Variants in ATP10B observed in about 807,000 individuals in gnomAD.
The protein encoded by ATP10B is phospholipid-transporting ATPase VB.
In ATP10B, 122 loss-of-function variants were observed where a neutral mutation model predicts 141.2. The observed-to-expected ratio is 0.86, with a 90% confidence interval of 0.75 to 1.00. ATP10B has a LOEUF of 1.00. Among genes scored for constraint, ATP10B ranks in the 50% least tolerant of loss-of-function variants. The pLI is 0.00. For synonymous variants in ATP10B, 685 were observed against 692.0 expected, an observed-to-expected ratio of 0.99 and a Z score of 0.16; for missense variants, 1,876 against 1,825.3, an observed-to-expected ratio of 1.03 and a Z score of -0.51.
At position 160,565,719 on chromosome 5, in the gene ATP10B, C is replaced by T; in HGVS notation, c.4120G>A (p.Gly1374Arg). The stretch of plus-strand genomic sequence containing the variant: ...GGGGTGCTGGCACTGAAGTCCTGTC[C>T]TGTGATAGATGACACTGGGTGGTGA... ...PTHHPVSSITGQDFSASTPKS... is the reference protein window; with the variant it reads ...PTHHPVSSITRQDFSASTPKS... Residue 1374 changes from glycine (G) to arginine (R), a missense_variant, in exon 26 of 26, where the codon GGA becomes AGA. Transcript: ENST00000327245. 1 of 1,614,042 alleles carries T rather than the reference C, an allele frequency of 6.2e-7. No homozygotes were observed. The highest frequency in any genetic ancestry group is 8.5e-7 in the Non-Finnish European group (1 of 1,179,976).
the ATP10B span, among the ~76,000 whole-genome samples, chr5:160,889,404 A>G: frequency 3.3e-5 from 5 of 152,170 alleles, no homozygotes; most frequent in Admixed American, 3.3e-4. Flanking sequence ...CATGTGTAGT[A>G]ATTAAAAGGA....
At chr5:160,726,657 A>AGGGGAGGAGGAAGGAGTAGGG (rs1040485208) in intron 2 of ATP10B, among the ~76,000 whole-genome samples, 1 of 85,976 alleles carries the variant, frequency 1.2e-5, no homozygotes, top group Non-Finnish European at 2.2e-5. Flanking sequence ...TGGGGGAAGA[A>AGGGGAGGAGGAAGGAGTAGGG]GGGGAGGAGG....
chr5:160,602,959 A>T (rs1757176181), intron 20 of ATP10B: 1 of 365,382 alleles, frequency 2.7e-6, no homozygotes, highest in Non-Finnish European at 5.2e-6. Context: ...CCGTTTATCC[A>T]GCAAGCATTG....
chr5:160,815,083 A>G (rs1773503325), intron 1 of ATP10B, among the ~76,000 whole-genome samples: 1 of 152,188 alleles, frequency 6.6e-6, no homozygotes, highest in African/African-American at 2.4e-5. Flanking sequence ...TCAACTAATG[A>G]GCAAAATAAC....
intron 7 of ATP10B, among the ~76,000 whole-genome samples, chr5:160,652,348 T>A (rs1172025204): frequency 5.9e-5 from 9 of 152,048 alleles, no homozygotes; most frequent in Non-Finnish European, 1.0e-4. Flanking sequence ...CTTTTAAGAA[T>A]TTGCTGTATT....
intron 1 of ATP10B, among the ~76,000 whole-genome samples, chr5:160,827,527 T>C (rs931819852): frequency 1.3e-5 from 2 of 152,192 alleles, no homozygotes; most frequent in African/African-American, 2.4e-5. Flanking sequence ...AAGTTACATA[T>C]AAATTCTGGA....
chr5:160,589,090 C>G (rs1012406660), intron 24 of ATP10B, among the ~76,000 whole-genome samples: 3 of 152,188 alleles, frequency 2.0e-5, no homozygotes, highest in African/African-American at 4.8e-5. Flanking sequence ...TGGCTCAGTG[C>G]AACCTCCGCC....
intron 2 of ATP10B, among the ~76,000 whole-genome samples, chr5:160,765,019 G>A (rs1005911520): frequency 6.6e-6 from 1 of 152,006 alleles, no homozygotes; most frequent in Non-Finnish European, 1.5e-5. Flanking sequence ...TAACCAAGGA[G>A]GTGAAAGATT....
At chr5:160,862,304 C>T in the ATP10B span, among the ~76,000 whole-genome samples, 1 of 151,964 alleles carries the variant, frequency 6.6e-6, no homozygotes, top group Non-Finnish European at 1.5e-5. Flanking sequence ...GTCACAGAAG[C>T]AGAGCTAAGC....
chr5:160,841,315 A>G (rs941744728), intron 1 of ATP10B, among the ~76,000 whole-genome samples: 7 of 152,186 alleles, frequency 4.6e-5, no homozygotes, highest in African/African-American at 1.7e-4. Flanking sequence ...CAAATTGCAA[A>G]GAAGCTTACA....
chr5:160,824,214 C>T (rs1270123537), intron 1 of ATP10B, among the ~76,000 whole-genome samples: 1 of 152,034 alleles, frequency 6.6e-6, no homozygotes, highest in African/African-American at 2.4e-5. Context: ...GACAGGGTTT[C>T]ACCATGTTAG....
the ATP10B span, among the ~76,000 whole-genome samples, chr5:160,861,655 CAAGGAGAAGT>C: frequency 6.6e-6 from 1 of 151,676 alleles, no homozygotes; most frequent in African/African-American, 2.4e-5. Context: ...ATGCTGAATA[CAAGGAGAAGT>C]ATTGAGTTTT....
chr5:160,663,435 T>C (rs994659792), intron 7 of ATP10B, among the ~76,000 whole-genome samples: 61 of 152,204 alleles, frequency 4.0e-4, no homozygotes, highest in African/African-American at 1.3e-3. Flanking sequence ...GTGGCACATA[T>C]ACACCATGGA....
chr5:160,705,562 C>A (rs1031964021), intron 3 of ATP10B, among the ~76,000 whole-genome samples: 10 of 152,120 alleles, frequency 6.6e-5, no homozygotes, highest in African/African-American at 2.4e-4. Flanking sequence ...ATGCCCAGCC[C>A]CAACTTTTCT....
chr5:160,670,104 G>C (rs560738872), intron 7 of ATP10B, among the ~76,000 whole-genome samples: 1 of 152,030 alleles, frequency 6.6e-6, no homozygotes, highest in Non-Finnish European at 1.5e-5. Flanking sequence ...GAGTGAGTTG[G>C]GATTGGATGA....
At chr5:160,693,520 G>A (rs1414408345) in intron 3 of ATP10B, among the ~76,000 whole-genome samples, 4 of 151,052 alleles carry the variant, frequency 2.6e-5, no homozygotes, top group Admixed American at 6.6e-5. Flanking sequence ...CTGAAGAAAC[G>A]CAGGAGTTAG....
chr5:160,612,544 C>T (rs142321619), intron 18 of ATP10B, 197 bp downstream of exon 18: 144 of 449,820 alleles, frequency 3.2e-4, no homozygotes, highest in African/African-American at 2.4e-3. Flanking sequence ...GACCAGCTAG[C>T]CATGTGTGGG....
At chr5:160,734,829 T>C (rs1266224149) in intron 2 of ATP10B, among the ~76,000 whole-genome samples, 3 of 151,854 alleles carry the variant, frequency 2.0e-5, no homozygotes, top group Non-Finnish European at 1.5e-5. Flanking sequence ...AAGCAGAAAT[T>C]GTCAGAATGT....
intron 2 of ATP10B, among the ~76,000 whole-genome samples, chr5:160,750,327 C>G (rs895276282): frequency 6.6e-6 from 1 of 152,202 alleles, no homozygotes; most frequent in Non-Finnish European, 1.5e-5. Flanking sequence ...CCTGACCAAC[C>G]TGGCCCAACC....
Sources: allele counts gnomAD v4.1 joint callset (sites outside exome capture counted in the v4.1 genomes callset), GRCh38; gene constraint gnomAD v4.1.1; transcripts MANE v1.5; gene names NCBI Gene and HGNC (gene_info 2026-07-23, HGNC 2026-07-21).